FAM110B: variants seen among roughly 807,000 people sequenced by gnomAD.
FAM110B encodes protein FAM110B.
A neutral mutation model predicts 20.4 loss-of-function variants in FAM110B; 6 were observed. The observed-to-expected ratio is 0.29, with a 90% CI of 0.16 to 0.58. The LOEUF (loss-of-function observed/expected upper bound fraction) is 0.58, where lower values mean the gene tolerates loss of function less well. FAM110B is among the 20% of genes least tolerant of loss of function. The probability of loss-of-function intolerance (pLI) is 0.90; values close to 1 mark genes in which losing one functional copy is unlikely to be tolerated. For missense variants in FAM110B, 434 were observed against 498.2 expected, an observed-to-expected ratio of 0.87 and a Z score of 1.23; for synonymous variants, 226 against 214.1, an observed-to-expected ratio of 1.06 and a Z score of -0.49.
At chr8:58,017,000 G>A (rs1298514577) in intron 1 of FAM110B, among the ~76,000 whole-genome samples, 8 of 152,184 alleles carry the variant, frequency 5.3e-5, no homozygotes, top group Admixed American at 2.0e-4. Flanking sequence ...ACTGAGGCTC[G>A]AAACAGCACA....
At chr8:58,086,819 A>G (rs1308793184) in intron 3 of FAM110B, among the ~76,000 whole-genome samples, 4 of 152,214 alleles carry the variant, frequency 2.6e-5, no homozygotes, top group Non-Finnish European at 5.9e-5. Flanking sequence ...AGGAATGTTA[A>G]TGGGCTAATA....
intron 1 of FAM110B, among the ~76,000 whole-genome samples, chr8:58,001,597 C>A (rs1185722690): frequency 6.6e-6 from 1 of 152,188 alleles, no homozygotes; most frequent in Non-Finnish European, 1.5e-5. Flanking sequence ...TGGTTGTTAT[C>A]TCTACCAGCC....
intron 1 of FAM110B, among the ~76,000 whole-genome samples, chr8:57,999,777 A>G (rs991064353): frequency 6.6e-6 from 1 of 152,306 alleles, no homozygotes; most frequent in African/African-American, 2.4e-5. Flanking sequence ...TTAAGGCAGT[A>G]ATAAGTGCAG....
At chr8:58,105,121 G>A (rs1391402866) in intron 3 of FAM110B, among the ~76,000 whole-genome samples, 1 of 151,978 alleles carries the variant, frequency 6.6e-6, no homozygotes, top group African/African-American at 2.4e-5. Context: ...CTGTGTTAGG[G>A]GGAGGTGGTA....
chr8:58,093,594 T>C (rs1319399730), intron 3 of FAM110B, among the ~76,000 whole-genome samples: 1 of 152,202 alleles, frequency 6.6e-6, no homozygotes, highest in African/African-American at 2.4e-5. Context: ...TGTGTTCTGT[T>C]CCATTGGTCT....
intron 2 of FAM110B, among the ~76,000 whole-genome samples, chr8:58,061,064 A>T (rs1010639939): frequency 1.3e-5 from 2 of 152,224 alleles, no homozygotes; most frequent in African/African-American, 4.8e-5. Flanking sequence ...AGTATAAGAG[A>T]ACACCAGCTA....
At chr8:58,070,661 T>C (rs1255672979) in intron 2 of FAM110B, among the ~76,000 whole-genome samples, 1 of 152,168 alleles carries the variant, frequency 6.6e-6, no homozygotes, top group Non-Finnish European at 1.5e-5. Flanking sequence ...GAATGCCCAA[T>C]GTTGCATCAA....
chr8:58,074,955 G>A (rs1276232631), intron 2 of FAM110B, among the ~76,000 whole-genome samples: 1 of 152,062 alleles, frequency 6.6e-6, no homozygotes, highest in African/African-American at 2.4e-5. Flanking sequence ...TCTTCTTTCT[G>A]CATAATTGCT....
intron 2 of FAM110B, among the ~76,000 whole-genome samples, chr8:58,041,888 C>T (rs1176903063): frequency 6.6e-6 from 1 of 152,224 alleles, no homozygotes; most frequent in Non-Finnish European, 1.5e-5. Flanking sequence ...TGCTGTCAGT[C>T]AGGAAGCAGT....
chr8:58,084,961 A>T (rs1311574476), intron 3 of FAM110B, among the ~76,000 whole-genome samples: 1 of 152,172 alleles, frequency 6.6e-6, no homozygotes, highest in Non-Finnish European at 1.5e-5. Flanking sequence ...TTCCCTCTGG[A>T]CACTGTTTTT....
intron 3 of FAM110B, among the ~76,000 whole-genome samples, chr8:58,114,209 C>G (rs1252164089): frequency 1.3e-5 from 2 of 152,190 alleles, no homozygotes; most frequent in Non-Finnish European, 2.9e-5. Flanking sequence ...CATGACTTGT[C>G]TCTTGTCCAT....
At chr8:58,022,636 G>A (rs563702675) in intron 1 of FAM110B, among the ~76,000 whole-genome samples, 17 of 152,180 alleles carry the variant, frequency 1.1e-4, no homozygotes, top group South Asian at 6.2e-4. Context: ...ATTCTGTTTG[G>A]TTTTACTAAC....
chr8:58,011,360 C>G (rs1804529675), intron 1 of FAM110B, among the ~76,000 whole-genome samples: 2 of 152,224 alleles, frequency 1.3e-5, no homozygotes, highest in South Asian at 4.2e-4. Context: ...AGAGCGCTGG[C>G]CTTTCGAGCA....
In FAM110B at chr8:58,144,595, A is replaced by AT. The variant is rs139054838; in HGVS notation, c.-324-1309dup. On this transcript the variant is annotated intron_variant, in intron 3 of 3. Transcript: ENST00000519262. ...ATGGGTTGCATTTACAGATTTAAGAATTTCAGGAAATTATAAGGAGAAATA... is the reference window on the plus strand; with the variant it reads ...ATGGGTTGCATTTACAGATTTAAGAATTTTCAGGAAATTATAAGGAGAAATA... Among the ~76,000 whole-genome samples the AT allele has an allele frequency of 3.3e-3, 497 of 152,346 alleles. 3 individuals carry two copies. Among genetic ancestry groups the AT allele is most frequent in the Middle Eastern group, 0.014 (4 of 294 alleles).
chr8:58,080,492 T>C (rs1295669589), intron 3 of FAM110B, among the ~76,000 whole-genome samples: 1 of 152,144 alleles, frequency 6.6e-6, no homozygotes. Context: ...CCAGACCTTC[T>C]CACTTTCTTT....
At chr8:58,063,688 T>C (rs1203904598) in intron 2 of FAM110B, among the ~76,000 whole-genome samples, 1 of 152,214 alleles carries the variant, frequency 6.6e-6, no homozygotes, top group Non-Finnish European at 1.5e-5. Flanking sequence ...CATTGATTTA[T>C]AACTTACCTA....
intron 2 of FAM110B, among the ~76,000 whole-genome samples, chr8:58,034,864 G>T (rs1172330047): frequency 3.9e-5 from 6 of 152,164 alleles, no homozygotes; most frequent in Non-Finnish European, 7.4e-5. Context: ...AGTAAAAATA[G>T]CACTATCAGC....
chr8:58,110,790 A>G (rs1807038517), intron 3 of FAM110B, among the ~76,000 whole-genome samples: 2 of 152,172 alleles, frequency 1.3e-5, no homozygotes, highest in Non-Finnish European at 2.9e-5. Context: ...TTAATTTGTC[A>G]TTTGAACAAT....
intron 1 of FAM110B, among the ~76,000 whole-genome samples, chr8:58,012,602 G>A (rs1664677872): frequency 6.6e-6 from 1 of 152,208 alleles, no homozygotes; most frequent in African/African-American, 2.4e-5. Context: ...TGCTGGTTCT[G>A]GGCCATGAAA....
Sources: gnomAD v4.1 joint callset for allele counts (sites outside exome capture counted in the v4.1 genomes callset) on GRCh38, gnomAD v4.1.1 for gene constraint, MANE v1.5 for transcripts, NCBI Gene and HGNC (gene_info 2026-07-23, HGNC 2026-07-21) for gene names.